The following APBA2 variants were observed in gnomAD, a reference collection of about 807,000 sequenced individuals.
APBA2 encodes amyloid-beta A4 precursor protein-binding family A member 2.
A neutral mutation model predicts 75.0 loss-of-function variants in APBA2; 30 were observed. The observed-to-expected ratio is 0.40, with a 90% CI of 0.30 to 0.54. APBA2 has a LOEUF of 0.54. Ranked by LOEUF, APBA2 falls within the 20% of genes least tolerant of loss-of-function variation. The probability of loss-of-function intolerance (pLI) is 0.49; values close to 1 mark genes in which losing one functional copy is unlikely to be tolerated. For missense variants in APBA2, 801 were observed against 1,016.1 expected (o/e 0.79, Z 2.88); for synonymous variants, 444 against 409.6 (o/e 1.08, Z -1.01).
chr15:28,957,159 G>A (rs1262245602), intron 2 of APBA2, among the ~76,000 whole-genome samples: 8 of 151,898 alleles, frequency 5.3e-5, no homozygotes, highest in African/African-American at 1.7e-4. Context: ...TGCAAGCTCC[G>A]CCTCCCGGGT....
At position 28,991,478 on chromosome 15, in the gene APBA2, C is replaced by T. The variant is rs187062875; in HGVS notation, c.-94-4275C>T. On this transcript the variant is annotated intron_variant, in intron 2 of 14. Transcript: ENST00000683413. This position sits in a 1 kb window ranked among gnomAD's most constrained non-coding sequence, Gnocchi z 4.7. ...GCCAGGTGTTGAGCTCTGCCAGCTG[C>T]CCGGCCCCACTGTGAGGCCGCCCCT... Among the ~76,000 whole-genome samples the T allele has an allele frequency of 6.6e-6, 1 of 152,296 alleles. No individual in the cohort carries two copies. The highest frequency in any genetic ancestry group is 2.4e-5 in the African/African-American group (1 of 41,556).
chr15:28,894,352 C>T (rs2032329197), intron 1 of APBA2, among the ~76,000 whole-genome samples: 1 of 152,180 alleles, frequency 6.6e-6, no homozygotes, highest in South Asian at 2.1e-4. Flanking sequence ...GGAGGGAGGG[C>T]ATGGAGGGGG....
intron 11 of APBA2, among the ~76,000 whole-genome samples, chr15:29,106,400 A>G (rs2044404337): frequency 2.2e-5 from 1 of 44,796 alleles, no homozygotes; most frequent in African/African-American, 9.3e-5. Flanking sequence ...GACCCCAGGA[A>G]GGTGTGGGAG....
intron 2 of APBA2, among the ~76,000 whole-genome samples, chr15:28,932,279 A>T (rs2034605346): frequency 6.6e-6 from 1 of 152,136 alleles, no homozygotes; most frequent in African/African-American, 2.4e-5. Flanking sequence ...GCACCCCTGC[A>T]GTCCACAGCA....
chr15:28,900,210 T>A lies in APBA2; in HGVS notation c.-205+13932T>A, dbSNP rs1402127248. On this transcript the variant is annotated intron_variant, in intron 1 of 14. Transcript: ENST00000683413. ...AGCCTCCTCCGCCTGGACTCAGGCT[T>A]CTTCGGGCTCATCAGACCTGAACAG... Among the ~76,000 whole-genome samples the A allele has an allele frequency of 2.0e-5, 3 of 152,194 alleles. No individual in the cohort carries two copies. The South Asian group carries it at 6.2e-4, about 32-fold the overall frequency.
intron 2 of APBA2, among the ~76,000 whole-genome samples, chr15:28,926,824 T>A (rs2034286836): frequency 6.6e-6 from 1 of 151,824 alleles, no homozygotes; most frequent in South Asian, 2.1e-4. Context: ...TCTTTCAAAA[T>A]TTTAAGGATT....
intron 2 of APBA2, among the ~76,000 whole-genome samples, chr15:28,969,937 C>T (rs1395087152): frequency 3.3e-5 from 5 of 152,248 alleles, no homozygotes; most frequent in African/African-American, 4.8e-5. Flanking sequence ...GGCAGAGCCT[C>T]CTCGCTGCCT....
chr15:28,888,624 C>T (rs1446750076), intron 1 of APBA2, among the ~76,000 whole-genome samples: 1 of 152,156 alleles, frequency 6.6e-6, no homozygotes, highest in African/African-American at 2.4e-5. Context: ...GACTGGCGGT[C>T]GGTGGGGATC....
intron 2 of APBA2, among the ~76,000 whole-genome samples, chr15:28,922,190 C>T (rs1046526523): frequency 4.6e-5 from 7 of 152,102 alleles, no homozygotes; most frequent in African/African-American, 1.7e-4. Context: ...CAGTTCTTCC[C>T]AGGGACCCAG....
At chr15:29,018,702 T>C (rs1013439846) in intron 3 of APBA2, among the ~76,000 whole-genome samples, 29 of 152,124 alleles carry the variant, frequency 1.9e-4, no homozygotes, top group African/African-American at 7.0e-4. Context: ...CAACTGTTCC[T>C]CTCCCAAGCT....
chr15:29,065,378 C>G (rs2042336396), intron 4 of APBA2, among the ~76,000 whole-genome samples: 1 of 152,154 alleles, frequency 6.6e-6, no homozygotes, highest in African/African-American at 2.4e-5. Context: ...TGTGCTTGCC[C>G]AAGATGTGAT....
intron 14 of APBA2, 133 bp downstream of exon 14, chr15:29,114,149 G>A (rs2044910313): frequency 1.5e-6 from 2 of 1,356,852 alleles, no homozygotes; most frequent in Non-Finnish European, 1.0e-6. Flanking sequence ...CATCGGGGCT[G>A]CTGTGACAAG....
chr15:29,105,255 G>C, intron 10 of APBA2, 124 bp from the exon 11 acceptor site: 1 of 957,282 alleles, frequency 1.0e-6, no homozygotes, highest in Non-Finnish European at 1.6e-6. Flanking sequence ...CTAAGCCCGA[G>C]CAAGGGCTCC....
At chr15:28,894,973 T>G (rs1381974608) in intron 1 of APBA2, among the ~76,000 whole-genome samples, 1 of 152,120 alleles carries the variant, frequency 6.6e-6, no homozygotes, top group Non-Finnish European at 1.5e-5. Context: ...CAGAGCCCGC[T>G]CCCTATGTTC....
chr15:28,928,036 C>T (rs763006954), intron 2 of APBA2, among the ~76,000 whole-genome samples: 2 of 150,434 alleles, frequency 1.3e-5, no homozygotes, highest in African/African-American at 2.4e-5. Flanking sequence ...CCCAGCTACT[C>T]GAGAGGCTGG....
chr15:28,891,293 A>G (rs2032112042), intron 1 of APBA2, among the ~76,000 whole-genome samples: 1 of 151,916 alleles, frequency 6.6e-6, no homozygotes, highest in South Asian at 2.1e-4. Context: ...GCCTAAGAAC[A>G]CTCTGCTGTG....
intron 4 of APBA2, among the ~76,000 whole-genome samples, chr15:29,069,762 G>A (rs564486572): frequency 2.6e-5 from 4 of 152,358 alleles, no homozygotes; most frequent in Non-Finnish European, 1.5e-5. Context: ...TGCCATATGG[G>A]ACATACAACA....
chr15:29,085,561 C>T (rs917196663), intron 6 of APBA2, among the ~76,000 whole-genome samples: 12 of 151,744 alleles, frequency 7.9e-5, no homozygotes, highest in Non-Finnish European at 1.8e-4. Flanking sequence ...TGAGTTTCCC[C>T]GACAGCCTTT....
intron 4 of APBA2, chr15:29,071,009 C>G (rs1268653023): frequency 8.9e-6 from 4 of 450,868 alleles, no homozygotes; most frequent in South Asian, 3.2e-5. Flanking sequence ...TCCACTGATG[C>G]CCTCTATCCC....
Sources: allele counts gnomAD v4.1 joint callset (sites outside exome capture counted in the v4.1 genomes callset), GRCh38; gene constraint gnomAD v4.1.1; non-coding constraint Gnocchi (gnomAD v3.1); transcripts MANE v1.5; gene names NCBI Gene and HGNC (gene_info 2026-07-23, HGNC 2026-07-21).